Variants in GSE1 observed in about 807,000 individuals in gnomAD.
GSE1 encodes the protein genetic suppressor element 1.
GSE1 carries 32 observed loss-of-function variants against 112.6 expected under a neutral mutation model. The observed-to-expected ratio is 0.28, with a 90% CI of 0.21 to 0.38. The LOEUF is 0.38. GSE1 is among the 10% of genes least tolerant of loss of function. The pLI is 1.00. For missense variants in GSE1, 2,348 were observed against 1,699.2 expected, an observed-to-expected ratio of 1.38 and a Z score of -6.71; for synonymous variants, 1,115 against 735.6, an observed-to-expected ratio of 1.52 and a Z score of -8.35.
chr16:85,223,296 G>A (rs756289105), intron 1 of GSE1, among the ~76,000 whole-genome samples: 7 of 152,218 alleles, frequency 4.6e-5, no homozygotes, highest in Non-Finnish European at 8.8e-5. Context: ...GCCAAGGCGC[G>A]TGGATCATTT....
At chr16:85,312,994 C>T (rs1416312679) in intron 1 of GSE1, among the ~76,000 whole-genome samples, 2 of 151,588 alleles carry the variant, frequency 1.3e-5, no homozygotes, top group African/African-American at 4.9e-5. Context: ...TTGCAGGTCC[C>T]TGGAGCGGGC....
At chr16:85,424,441 G>A (rs1215277117) in intron 2 of GSE1, among the ~76,000 whole-genome samples, 2 of 152,174 alleles carry the variant, frequency 1.3e-5, no homozygotes, top group African/African-American at 4.8e-5. Flanking sequence ...CAATGGCAGG[G>A]TGTCAGTTAA....
chr16:85,553,079 A>AT (rs943795968), upstream of GSE1, among the ~76,000 whole-genome samples: 8 of 151,284 alleles, frequency 5.3e-5, no homozygotes, highest in Admixed American at 2.6e-4. Context: ...AAGATGGGAG[A>AT]TTTTTCCAGT....
intron 1 of GSE1, among the ~76,000 whole-genome samples, chr16:85,556,637 CCGGCTCCGCCGCGGCGGCGGAGCGA>C (rs1324205738): frequency 6.6e-6 from 1 of 150,458 alleles, no homozygotes; most frequent in Non-Finnish European, 1.5e-5. Context: ...CTGCCGGGAG[CCGGCTCCGCCGCGGCGGCGGAGCGA>C]GCGGCCGAGG....
rs143696164 is a variant in GSE1, at chr16:85,247,805, G to A, written c.2283+75998G>A. 2.8e-4 allele frequency among the ~76,000 whole-genome samples: 43 copies of A among 152,352 alleles called. No homozygotes were observed. The East Asian group carries it at 7.7e-3, about 27-fold the overall frequency. On this transcript the variant is annotated intron_variant, in intron 1 of 2. Transcript: ENST00000637419. ...TGGGCACATGGGGGACATGCCAGGG[G>A]GCTGGTCTTTGAGTGCAGTGGGGAC...
Position 85,231,320 on chromosome 16 carries a change from TAGA to T in GSE1, c.2283+59516_2283+59518del, listed in dbSNP as rs1904283716. On this transcript the variant is annotated intron_variant, in intron 1 of 2. Transcript: ENST00000637419. ...GTGGATGGATGGACGGAAGGACAGA[TAGA>T]AGGACAGATGGATGGATGGACAGAT... Among the ~76,000 whole-genome samples, 3 of 146,566 alleles carry T rather than the reference TAGA, an allele frequency of 2.0e-5. No homozygotes were observed. In the South Asian group the frequency reaches 6.6e-4, roughly 32 times the overall value.
rs1267995976 is a variant in GSE1 at position 85,328,864 on chromosome 16, C to A, written c.2284-28599C>A. Among the ~76,000 whole-genome samples, 3 of 152,170 alleles carry A rather than the reference C, an allele frequency of 2.0e-5. No homozygotes were observed. The South Asian group carries it at 6.2e-4, about 32-fold the overall frequency. On this transcript the variant is annotated intron_variant, in intron 1 of 2. Coordinates refer to the GSE1 transcript ENST00000637419. Reference sequence around the variant, plus strand: ...AATGGATGGACAGGGACAGAGGAGACCACCCAGACCTTCCAGCTGCACCCC... The same window carrying A: ...AATGGATGGACAGGGACAGAGGAGAACACCCAGACCTTCCAGCTGCACCCC...
At chr16:85,197,981 C>G (rs1020345941) in intron 1 of GSE1, among the ~76,000 whole-genome samples, 6 of 152,146 alleles carry the variant, frequency 3.9e-5, no homozygotes, top group African/African-American at 1.2e-4. Flanking sequence ...CAGTGACAAA[C>G]CAAATGCCAA....
At chr16:85,477,929 G>T (rs1451158026) in intron 2 of GSE1, among the ~76,000 whole-genome samples, 5 of 152,084 alleles carry the variant, frequency 3.3e-5, no homozygotes, top group Admixed American at 2.0e-4. Flanking sequence ...CCCTTTTCAA[G>T]TGTACAGGCC....
At chr16:85,571,220 C>T (rs761661493) in intron 1 of GSE1, among the ~76,000 whole-genome samples, 2 of 152,204 alleles carry the variant, frequency 1.3e-5, no homozygotes, top group African/African-American at 2.4e-5. Context: ...TTCCAAGGCC[C>T]GGGCGGCATC....
intron 1 of GSE1, among the ~76,000 whole-genome samples, chr16:85,235,646 C>G (rs1904553890): frequency 6.6e-6 from 1 of 151,546 alleles, no homozygotes; most frequent in Non-Finnish European, 1.5e-5. Flanking sequence ...CTCGTCCCCC[C>G]TCCTCCCCCC....
Position 85,649,620 on chromosome 16 carries a change from C to T in GSE1, c.426+869C>T, listed in dbSNP as rs546426936. On this transcript the variant is annotated intron_variant, in intron 3 of 15. Transcript: ENST00000253458. ...GGGCCTGTGCGCCCTCAGGTGGGTA[C>T]CTGCAGCTCTCCCGGCCCCCCACCC... Among the ~76,000 whole-genome samples the T allele has an allele frequency of 1.7e-3, 258 of 148,664 alleles. 2 individuals carry two copies. Among genetic ancestry groups the T allele is most frequent in the Non-Finnish European group, 2.5e-3 (165 of 66,112 alleles).
At chr16:85,243,128 T>G (rs546871086) in intron 1 of GSE1, among the ~76,000 whole-genome samples, 1 of 152,348 alleles carries the variant, frequency 6.6e-6, no homozygotes, top group Admixed American at 6.5e-5. Flanking sequence ...GTGAGTAACA[T>G]GCAGCCCCCG....
At chr16:85,631,599 T>A (rs949346285) in intron 1 of GSE1, among the ~76,000 whole-genome samples, 1 of 152,266 alleles carries the variant, frequency 6.6e-6, no homozygotes, top group Non-Finnish European at 1.5e-5. Flanking sequence ...GACTGGCATC[T>A]GCCTGCTGGG....
At chr16:85,213,558 G>A (rs1304952221) in intron 1 of GSE1, among the ~76,000 whole-genome samples, 2 of 152,236 alleles carry the variant, frequency 1.3e-5, no homozygotes, top group East Asian at 3.8e-4. Context: ...AATTCCAACA[G>A]TGGCATTTCC....
chr16:85,536,792 C>T (rs1309975819), intron 2 of GSE1, among the ~76,000 whole-genome samples: 1 of 152,170 alleles, frequency 6.6e-6, no homozygotes, highest in African/African-American at 2.4e-5. Context: ...CTGGGATGGG[C>T]CAGGTGTGGC....
Position 85,673,749 on chromosome 16 carries a change from G to A in GSE1, c.*1210G>A, listed in dbSNP as rs2053523687. ...TACCCATTGCTATCAAGGGAGGAGG[G>A]GGTAGTCTGTAGAACCCATGTGTGA... On this transcript the variant is annotated 3_prime_UTR_variant, in exon 16 of 16. Transcript: ENST00000253458. The A allele has an allele frequency of 6.6e-6, 1 of 152,172 alleles. No homozygotes were observed. Among genetic ancestry groups the A allele is most frequent in the African/African-American group, 2.4e-5 (1 of 41,436 alleles). 9.4% of individuals were successfully genotyped at this position (152,172 alleles called of 1,614,324 possible). A position where few individuals can be genotyped will look rare whatever the true frequency, so the allele number is the denominator to read the frequency against.
chr16:85,497,499 A>ACG (rs2051220250), intron 2 of GSE1, among the ~76,000 whole-genome samples: 1 of 152,176 alleles, frequency 6.6e-6, no homozygotes, highest in Non-Finnish European at 1.5e-5. Context: ...GCACAGGGTC[A>ACG]CGGTTCCCTG....
intron 1 of GSE1, among the ~76,000 whole-genome samples, chr16:85,590,939 G>T (rs112958468): frequency 6.6e-6 from 1 of 152,180 alleles, no homozygotes; most frequent in African/African-American, 2.4e-5. Flanking sequence ...ATGCGGTGGG[G>T]GGGACCAGAC....
Sources: gnomAD v4.1 joint callset for allele counts (sites outside exome capture counted in the v4.1 genomes callset) on GRCh38, gnomAD v4.1.1 for gene constraint, MANE v1.5 for transcripts, NCBI Gene and HGNC (gene_info 2026-07-23, HGNC 2026-07-21) for gene names.